ADGRL2: variants seen among roughly 807,000 people sequenced by gnomAD.
ADGRL2 encodes calcium-independent alpha-latrotoxin receptor 2.
A neutral mutation model predicts 157.4 loss-of-function variants in ADGRL2; 44 were observed. The ratio of observed to expected loss-of-function variants is 0.28; its 90% CI spans 0.22 to 0.36. ADGRL2 has a LOEUF of 0.36. Ranked by LOEUF, ADGRL2 falls within the 10% of genes least tolerant of loss-of-function variation. The probability of loss-of-function intolerance (pLI) is 1.00; values close to 1 mark genes in which losing one functional copy is unlikely to be tolerated. For missense variants in ADGRL2, 1,510 were observed against 1,768.9 expected (o/e 0.85, Z 2.63); for synonymous variants, 585 against 624.7 (o/e 0.94, Z 0.95).
chr1:81,924,942 A>G (rs1291956825), intron 3 of ADGRL2, among the ~76,000 whole-genome samples: 1 of 152,082 alleles, frequency 6.6e-6, no homozygotes, highest in Admixed American at 6.6e-5. Flanking sequence ...TTAAGCACAT[A>G]CTTGCTAACA....
chr1:81,728,883 T>C (rs2084629298), intron 1 of ADGRL2, among the ~76,000 whole-genome samples: 1 of 152,132 alleles, frequency 6.6e-6, no homozygotes, highest in South Asian at 2.1e-4. Context: ...TCCACTTCTC[T>C]TGGGGAGGTA....
chr1:81,386,845 C>A (rs1055927845), intron 1 of ADGRL2, among the ~76,000 whole-genome samples: 2 of 151,976 alleles, frequency 1.3e-5, no homozygotes, highest in Non-Finnish European at 2.9e-5. Context: ...ATATGCTGTA[C>A]CATCACACAG....
chr1:81,978,299 AC>A (rs1660746497), intron 17 of ADGRL2, among the ~76,000 whole-genome samples: 1 of 151,764 alleles, frequency 6.6e-6, no homozygotes, highest in African/African-American at 2.4e-5. Flanking sequence ...TCATATTGTA[AC>A]ATCTCCGAAA....
At chr1:81,506,800 C>T (rs1274491022) in intron 2 of ADGRL2, among the ~76,000 whole-genome samples, 1 of 152,110 alleles carries the variant, frequency 6.6e-6, no homozygotes, top group East Asian at 1.9e-4. Flanking sequence ...CCTGTTAACG[C>T]CTGCAACAAA....
Position 81,991,605 on chromosome 1 carries a change from G to C in ADGRL2, c.*460G>C, listed in dbSNP as rs1238119236. The C allele has an allele frequency of 1.3e-5, 2 of 154,604 alleles. No homozygotes were observed. Among genetic ancestry groups the C allele is most frequent in the African/African-American group, 4.8e-5 (2 of 41,456 alleles). The allele number at this position is 154,604 out of a possible 1,614,324, so 9.6% of individuals were successfully genotyped here. ...TTCCTGACAAGACTTGGAAAAGCAG[G>C]AGAGATATTCTGCATCAGTTTGCAG... On this transcript the variant is annotated 3_prime_UTR_variant, in exon 24 of 24. Coordinates refer to ENST00000686636, the MANE Select transcript of ADGRL2 (RefSeq NM_001366006.2).
intron 1 of ADGRL2, among the ~76,000 whole-genome samples, chr1:81,707,401 T>C (rs1217398743): frequency 6.6e-6 from 1 of 152,014 alleles, no homozygotes; most frequent in African/African-American, 2.4e-5. Context: ...AATGTGAAAA[T>C]TTCTTGTTTT....
chr1:81,404,798 T>C (rs2076824142), intron 1 of ADGRL2, among the ~76,000 whole-genome samples: 1 of 152,206 alleles, frequency 6.6e-6, no homozygotes, highest in Non-Finnish European at 1.5e-5. Flanking sequence ...ATCAAAATCA[T>C]CATTTCTGTC....
chr1:81,651,612 A>G (rs2389165), intron 3 of ADGRL2, among the ~76,000 whole-genome samples: 19,153 of 152,202 alleles, frequency 0.13, 1,310 homozygotes, highest in Middle Eastern at 0.21. Context: ...CACCACTCTT[A>G]AACTCAATCA....
At chr1:81,960,190 G>A (rs545652388) in intron 11 of ADGRL2, among the ~76,000 whole-genome samples, 29 of 152,252 alleles carry the variant, frequency 1.9e-4, no homozygotes, top group Non-Finnish European at 3.1e-4. Context: ...AGTCAGGTGG[G>A]TAATTTGTCT....
At chr1:81,493,033 C>T (rs752011229) in intron 2 of ADGRL2, among the ~76,000 whole-genome samples, 3 of 151,998 alleles carry the variant, frequency 2.0e-5, no homozygotes, top group Non-Finnish European at 4.4e-5. Flanking sequence ...ATAGACAAAA[C>T]CTGAAAGAAG....
intron 2 of ADGRL2, among the ~76,000 whole-genome samples, chr1:81,851,734 TTG>T (rs5775643): frequency 0.12 from 16,990 of 146,334 alleles, 1,073 homozygotes; most frequent in Admixed American, 0.2. Flanking sequence ...CCACTTAAAT[TTG>T]TGTGTGTGTG....
At chr1:81,733,346 T>G (rs2084787878) in intron 1 of ADGRL2, among the ~76,000 whole-genome samples, 1 of 152,234 alleles carries the variant, frequency 6.6e-6, no homozygotes, top group Non-Finnish European at 1.5e-5. Flanking sequence ...CAGAAATCTC[T>G]CACGGTTCTG....
At chr1:81,382,128 A>G (rs535431809) in intron 1 of ADGRL2, among the ~76,000 whole-genome samples, 4 of 152,326 alleles carry the variant, frequency 2.6e-5, no homozygotes, top group African/African-American at 9.6e-5. Context: ...TTTTAAGCAT[A>G]GCGTGGCATA....
intron 3 of ADGRL2, among the ~76,000 whole-genome samples, chr1:81,687,816 C>T (rs1250388120): frequency 2.0e-5 from 3 of 152,062 alleles, no homozygotes; most frequent in Non-Finnish European, 4.4e-5. Context: ...TTCCAGGATT[C>T]CTTTCAAGGT....
Position 81,966,107 on chromosome 1 carries a change from A to C in ADGRL2, c.2067A>C (p.Lys689Asn). ...LSTEGQIQDF[K>N]FPLGIKGAGS... Reference sequence around the variant, plus strand: ...CAGAAGGACAGATCCAAGACTTTAAATTTCCTCTGGGCATCAAAGGAGCAG... The same window carrying C: ...CAGAAGGACAGATCCAAGACTTTAACTTTCCTCTGGGCATCAAAGGAGCAG... Residue 689 changes from lysine (K) to asparagine (N), a missense_variant, in exon 12 of 24, where the codon AAA (lysine) becomes AAC (asparagine). By Grantham distance (94) the Lys-to-Asn change is moderately conservative (BLOSUM62 0). Coordinates refer to ENST00000686636, the MANE Select transcript of ADGRL2 (RefSeq NM_001366006.2). 1 of 1,614,044 alleles carries C rather than the reference A, an allele frequency of 6.2e-7. No homozygotes were observed. Among genetic ancestry groups the C allele is most frequent in the South Asian group, 1.1e-5 (1 of 91,072 alleles).
At chr1:81,710,704 A>G (rs530006818) in intron 1 of ADGRL2, among the ~76,000 whole-genome samples, 1 of 151,262 alleles carries the variant, frequency 6.6e-6, no homozygotes, top group East Asian at 1.9e-4. Context: ...AATTAAAATG[A>G]GAAATTTAAA....
At chr1:81,926,122 T>A (rs1174211510) in intron 3 of ADGRL2, among the ~76,000 whole-genome samples, 1 of 151,982 alleles carries the variant, frequency 6.6e-6, no homozygotes, top group Non-Finnish European at 1.5e-5. Context: ...GTGAAAATAT[T>A]TCTTCACTGA....
chr1:81,724,335 A>G (rs2084437014), intron 1 of ADGRL2, among the ~76,000 whole-genome samples: 1 of 152,168 alleles, frequency 6.6e-6, no homozygotes. Context: ...ATCTTGTAGT[A>G]TTCATATTTG....
At chr1:81,612,579 G>A (rs2081564796) in intron 3 of ADGRL2, among the ~76,000 whole-genome samples, 1 of 151,972 alleles carries the variant, frequency 6.6e-6, no homozygotes, top group African/African-American at 2.4e-5. Flanking sequence ...CATAGTACTT[G>A]GTCTCTCCCA....
Sources: allele counts gnomAD v4.1 joint callset (sites outside exome capture counted in the v4.1 genomes callset), GRCh38; gene constraint gnomAD v4.1.1; transcripts MANE v1.5; gene names NCBI Gene and HGNC (gene_info 2026-07-23, HGNC 2026-07-21).